Variants in CYGB observed in about 807,000 individuals in gnomAD.
CYGB encodes cytoglobin.
CYGB carries 13 observed loss-of-function variants against 20.7 expected under a neutral mutation model. The observed-to-expected ratio is 0.63, with a 90% CI of 0.41 to 1.00. The LOEUF is 1.00. CYGB is among the 50% of genes least tolerant of loss of function. CYGB has a pLI of 0.00. For missense variants in CYGB, 218 were observed against 257.2 expected, an observed-to-expected ratio of 0.85 and a Z score of 1.04; for synonymous variants, 93 against 107.4, an observed-to-expected ratio of 0.87 and a Z score of 0.83.
At chr17:76,548,315 C>G (rs2075076463) in intron 1 of CYGB, among the ~76,000 whole-genome samples, 2 of 152,194 alleles carry the variant, frequency 1.3e-5, no homozygotes, top group East Asian at 3.8e-4. Context: ...CAAATACACA[C>G]AGTATCATAT....
At chr17:76,538,578 G>A (rs1340007001), upstream of CYGB, 1 of 454,330 alleles carries the variant, frequency 2.2e-6, no homozygotes, top group Non-Finnish European at 4.6e-6. Flanking sequence ...GCACCGGATA[G>A]GGCAGACAGG....
chr17:76,538,442 C>A, upstream of CYGB: 1 of 464,294 alleles, frequency 2.2e-6, no homozygotes, highest in South Asian at 1.6e-5. Context: ...CACCTCCATG[C>A]CCTCGGTGCA....
At chr17:76,537,271 G>C (rs943801248) in intron 1 of CYGB, 129 bp downstream of exon 1, 6 of 1,112,746 alleles carry the variant, frequency 5.4e-6, no homozygotes, top group Non-Finnish European at 7.1e-6. Flanking sequence ...CTGCTCCGCC[G>C]ACCTCGGACC....
At chr17:76,529,387 G>A in intron 3 of CYGB, 1 of 985,446 alleles carries the variant, frequency 1.0e-6, no homozygotes, top group Non-Finnish European at 1.2e-6. Flanking sequence ...GTGGGCGGAG[G>A]AGGAGACTTC....
chr17:76,549,347 G>T (rs1007934322), intron 1 of CYGB, among the ~76,000 whole-genome samples: 3 of 152,248 alleles, frequency 2.0e-5, no homozygotes, highest in African/African-American at 7.2e-5. Context: ...TCGACATGCG[G>T]CTGGGCGCGG....
At position 76,533,735 on chromosome 17, in the gene CYGB, G is replaced by GATAATA. The variant is rs902400467; in HGVS notation, c.144-2050_144-2045dup. Among the ~76,000 whole-genome samples, 1 of 151,324 alleles carries GATAATA rather than the reference G, an allele frequency of 6.6e-6. No individual in the cohort carries two copies. The highest frequency in any genetic ancestry group is 1.9e-4 in the East Asian group (1 of 5,134). ...GAGACCCTGAATCCAAAGAAATAAT[G>GATAATA]ATAATAATAATAATAAAAGGTCAGG... On this transcript the variant is annotated intron_variant, in intron 1 of 3. Transcript: ENST00000293230. This position sits in a 1 kb window ranked among gnomAD's most constrained non-coding sequence, Gnocchi z 4.5.
chr17:76,537,713 T>TGC, upstream of CYGB: 1 of 379,434 alleles, frequency 2.6e-6, no homozygotes, highest in Non-Finnish European at 3.6e-6. Flanking sequence ...TGTGTGTGTG[T>TGC]GTGCGTGCGT....
intron 1 of CYGB, among the ~76,000 whole-genome samples, chr17:76,536,890 C>T (rs932125461): frequency 6.6e-5 from 10 of 152,286 alleles, no homozygotes; most frequent in African/African-American, 2.2e-4. Context: ...CTGGACCCCC[C>T]GGGCTCTCCT....
upstream of CYGB, chr17:76,540,318 A>G: frequency 7.2e-7 from 1 of 1,392,344 alleles, no homozygotes; most frequent in East Asian, 2.5e-5. The surrounding 1 kb of genome is among the most constrained non-coding windows in gnomAD (Gnocchi z 5.0). Flanking sequence ...GTGAACCTTC[A>G]GCGGGGCTGG....
chr17:76,529,472 G>A (rs934010231), intron 3 of CYGB: 160 of 985,314 alleles, frequency 1.6e-4, no homozygotes, highest in South Asian at 1.9e-4. Context: ...GACGGGCAGC[G>A]TGCTGGGGAA....
chr17:76,531,985 C>G lies in CYGB; in HGVS notation c.144-294G>C, dbSNP rs895496741. ...TGCTTCCTTCCCAAACTCTACACCCCCTTCAAGCCCTGCTCTAGTCATAGC... is the reference window on the plus strand; with the variant it reads ...TGCTTCCTTCCCAAACTCTACACCCGCTTCAAGCCCTGCTCTAGTCATAGC... On this transcript the variant is annotated intron_variant, in intron 1 of 3. Coordinates refer to ENST00000293230, the MANE Select transcript of CYGB (RefSeq NM_134268.5). The surrounding 1 kb of genome is among the most constrained non-coding windows in gnomAD (Gnocchi z 7.4). 29 of 316,170 alleles carry G rather than the reference C, an allele frequency of 9.2e-5. No homozygotes were observed. Among genetic ancestry groups the G allele is most frequent in the African/African-American group, 4.5e-4 (22 of 48,408 alleles). 19.6% of individuals were successfully genotyped at this position (316,170 alleles called of 1,614,324 possible).
chr17:76,533,157 A>G lies in CYGB; in HGVS notation c.144-1466T>C, dbSNP rs2074868681. On this transcript the variant is annotated intron_variant, in intron 1 of 3. Coordinates refer to ENST00000293230, the MANE Select transcript of CYGB (RefSeq NM_134268.5). This position sits in a 1 kb window ranked among gnomAD's most constrained non-coding sequence, Gnocchi z 4.5. ...TGGCGGGGAAGTTTGCACAGTGACC[A>G]GGGCACAGTCTGTGTGGAGACTCAG... Among the ~76,000 whole-genome samples, 1 of 152,122 alleles carries G rather than the reference A, an allele frequency of 6.6e-6. No homozygotes were observed. The highest frequency in any genetic ancestry group is 6.6e-5 in the Admixed American group (1 of 15,260).
At chr17:76,542,590 G>T (rs765926174), upstream of CYGB, 1 of 1,614,178 alleles carries the variant, frequency 6.2e-7, no homozygotes, top group South Asian at 1.1e-5. Context: ...CACCTCTGCA[G>T]GTGGGGCTCA....
intron 1 of CYGB, among the ~76,000 whole-genome samples, chr17:76,532,633 G>A (rs770332578): frequency 4.0e-5 from 6 of 149,774 alleles, no homozygotes; most frequent in Non-Finnish European, 5.9e-5. Flanking sequence ...CTGGGTTCAA[G>A]TGATTCTCTT....
rs2074826620 is a variant in CYGB at position 76,530,715 on chromosome 17, C to G, written c.539+264G>C. ...TGTGGCTTTGGGTGCTCTGAGCTCT[C>G]CCTGGCTCTAGGGAAGGGGAAGGCT... On this transcript the variant is annotated intron_variant, in intron 3 of 3. Transcript: ENST00000293230. This position sits in a 1 kb window ranked among gnomAD's most constrained non-coding sequence, Gnocchi z 6.1. 1.3e-5 allele frequency among the ~76,000 whole-genome samples: 2 copies of G among 152,170 alleles called. No homozygotes were observed. Among genetic ancestry groups the G allele is most frequent in the Admixed American group, 1.3e-4 (2 of 15,274 alleles).
chr17:76,540,905 T>C (rs1257459872), upstream of CYGB, among the ~76,000 whole-genome samples: 3 of 152,316 alleles, frequency 2.0e-5, no homozygotes, highest in Admixed American at 1.3e-4. The surrounding 1 kb of genome is among the most constrained non-coding windows in gnomAD (Gnocchi z 5.0). Flanking sequence ...GTGGCTTTGC[T>C]CGCCTTTCCT....
chr17:76,542,584 T>C (rs2075005141), upstream of CYGB: 2 of 1,613,976 alleles, frequency 1.2e-6, no homozygotes, highest in Non-Finnish European at 1.7e-6. Context: ...AGCCCTCACC[T>C]CTGCAGGTGG....
intron 3 of CYGB, chr17:76,529,561 A>C (rs1337632011): frequency 2.0e-6 from 2 of 985,256 alleles, no homozygotes; most frequent in African/African-American, 1.7e-5. Flanking sequence ...CCTTGTAAAA[A>C]AGCCCTTTTC....
intron 1 of CYGB, chr17:76,545,252 G>A: frequency 2.2e-6 from 1 of 456,792 alleles, no homozygotes; most frequent in South Asian, 1.5e-5. Flanking sequence ...GCTCCCCACA[G>A]AAGGCTCCTG....
Sources: gnomAD v4.1 joint callset for allele counts (sites outside exome capture counted in the v4.1 genomes callset) on GRCh38, gnomAD v4.1.1 for gene constraint, Gnocchi (gnomAD v3.1) non-coding constraint, MANE v1.5 for transcripts, NCBI Gene and HGNC (gene_info 2026-07-23, HGNC 2026-07-21) for gene names.